Variants in APBA2 observed in about 807,000 individuals in gnomAD.
APBA2 encodes amyloid beta precursor protein binding family A member 2.
In APBA2, 30 loss-of-function variants were observed where a neutral mutation model predicts 75.0. The observed-to-expected ratio is 0.40, with a 90% CI of 0.30 to 0.54. The LOEUF (loss-of-function observed/expected upper bound fraction) is 0.54, where lower values mean the gene tolerates loss of function less well. Ranked by LOEUF, APBA2 falls within the 20% of genes least tolerant of loss-of-function variation. The pLI, the probability that APBA2 is intolerant of heterozygous loss-of-function variation, is 0.49. For missense variants in APBA2, 801 were observed against 1,016.1 expected (o/e 0.79, Z 2.88); for synonymous variants, 444 against 409.6 (o/e 1.08, Z -1.01).
intron 4 of APBA2, among the ~76,000 whole-genome samples, chr15:29,065,017 G>T (rs567321293): frequency 6.6e-6 from 1 of 152,232 alleles, no homozygotes; most frequent in African/African-American, 2.4e-5. Context: ...GTGTGTGTGT[G>T]TGTGTGTGTG....
Position 29,054,503 on chromosome 15 carries a change from G to A in APBA2, c.619G>A (p.Ala207Thr), listed in dbSNP as rs767649646. ...YPEEANGNTGASPYRLRRGDG... is the reference protein window; with the variant it reads ...YPEEANGNTGTSPYRLRRGDG... ...CGAGGAGGCCAACGGGAACACCGGC[G>A]CCTCCCCCTACCGCCTGAGGCGTGG... is the stretch of plus-strand genomic sequence containing the variant. Residue 207 changes from alanine (A) to threonine (T), a missense_variant, in exon 4 of 15, where the codon GCC (alanine) becomes ACC (threonine). By Grantham distance (58) the Ala-to-Thr change is moderately conservative. This residue lies in a region of APBA2 where 434 missense variants were observed against 471.6 expected (regional missense o/e 0.92). Transcript: ENST00000683413. This position sits in a 1 kb window ranked among gnomAD's most constrained non-coding sequence, Gnocchi z 6.1. 1.4e-5 allele frequency: 23 copies of A among 1,613,532 alleles called. No homozygotes were observed. The highest frequency in any genetic ancestry group is 1.6e-4 in the Middle Eastern group (1 of 6,082).
chr15:29,034,813 G>A (rs2040663996), intron 3 of APBA2, among the ~76,000 whole-genome samples: 1 of 152,174 alleles, frequency 6.6e-6, no homozygotes, highest in African/African-American at 2.4e-5. Flanking sequence ...CTGGGGGAGG[G>A]CCCAAGAGTT....
intron 3 of APBA2, among the ~76,000 whole-genome samples, chr15:29,031,935 A>T (rs2040508589): frequency 6.6e-6 from 1 of 152,244 alleles, no homozygotes; most frequent in Admixed American, 6.5e-5. Context: ...CATGCACAGG[A>T]TGCTGTCTTG....
intron 2 of APBA2, among the ~76,000 whole-genome samples, chr15:28,983,498 C>T (rs376551766): frequency 5.3e-5 from 8 of 152,144 alleles, no homozygotes; most frequent in African/African-American, 1.9e-4. Context: ...AGAGTCTCTC[C>T]CAGCATACGG....
Position 29,104,541 on chromosome 15 carries a change from C to T in APBA2, c.1525-838C>T, listed in dbSNP as rs577731614. On this transcript the variant is annotated intron_variant, in intron 10 of 14. Coordinates refer to ENST00000683413, the MANE Select transcript of APBA2 (RefSeq NM_001353788.2). Reference sequence around the variant, plus strand: ...TCAGAGTCGGTGATGTCCACTGAAGCAGCTCAGCGGAAGTAGAAAGAAGTG... The same window carrying T: ...TCAGAGTCGGTGATGTCCACTGAAGTAGCTCAGCGGAAGTAGAAAGAAGTG... 2.6e-5 allele frequency among the ~76,000 whole-genome samples: 4 copies of T among 152,366 alleles called. No individual in the cohort carries two copies. In the South Asian group the frequency reaches 8.3e-4, roughly 32 times the overall value.
chr15:28,979,969 G>T (rs956251949), intron 2 of APBA2, among the ~76,000 whole-genome samples: 1 of 152,220 alleles, frequency 6.6e-6, no homozygotes, highest in African/African-American at 2.4e-5. Flanking sequence ...CTAGTTAAAA[G>T]AAAATTTATT....
At chr15:28,980,477 T>C (rs936067564) in intron 2 of APBA2, among the ~76,000 whole-genome samples, 15 of 152,064 alleles carry the variant, frequency 9.9e-5, no homozygotes. Context: ...ACAATCCCAT[T>C]TACAATCGCC....
chr15:29,020,056 C>A (rs2039872236), intron 3 of APBA2, among the ~76,000 whole-genome samples: 2 of 152,210 alleles, frequency 1.3e-5, no homozygotes, highest in Non-Finnish European at 1.5e-5. Flanking sequence ...TGTTTACTGG[C>A]ACATGTATTT....
intron 2 of APBA2, among the ~76,000 whole-genome samples, chr15:28,945,947 C>T (rs2035526575): frequency 6.6e-6 from 1 of 152,206 alleles, no homozygotes; most frequent in Non-Finnish European, 1.5e-5. Context: ...GGTTCCGCCT[C>T]ATAAGGCTGT....
At chr15:29,013,791 G>T (rs2039522965) in intron 3 of APBA2, among the ~76,000 whole-genome samples, 1 of 152,156 alleles carries the variant, frequency 6.6e-6, no homozygotes, top group Admixed American at 6.5e-5. Context: ...GTAATTACTG[G>T]TGCAGATTTC....
At chr15:29,107,011 A>G (rs2152972658) in intron 12 of APBA2, among the ~76,000 whole-genome samples, 192 bp downstream of exon 12, 1 of 152,222 alleles carries the variant, frequency 6.6e-6, no homozygotes, top group South Asian at 2.1e-4. Context: ...CCATGTCTGA[A>G]TCAGAGGTGG....
chr15:29,048,180 C>G (rs2041432841), intron 3 of APBA2, among the ~76,000 whole-genome samples: 1 of 152,068 alleles, frequency 6.6e-6, no homozygotes. Flanking sequence ...AACTTCATCT[C>G]TACAAAAAAT....
chr15:28,989,202 C>G (rs939939708), intron 2 of APBA2, among the ~76,000 whole-genome samples: 2 of 151,546 alleles, frequency 1.3e-5, no homozygotes, highest in Admixed American at 1.3e-4. Flanking sequence ...TATCTTTTTT[C>G]TTTTCTTCCT....
chr15:29,039,865 C>G (rs1038383441), intron 3 of APBA2, among the ~76,000 whole-genome samples: 1 of 152,168 alleles, frequency 6.6e-6, no homozygotes, highest in African/African-American at 2.4e-5. Context: ...GATTAGAACT[C>G]AAAACTCTGA....
At chr15:28,935,142 A>G (rs2034785860) in intron 2 of APBA2, among the ~76,000 whole-genome samples, 1 of 152,138 alleles carries the variant, frequency 6.6e-6, no homozygotes, top group South Asian at 2.1e-4. Context: ...CTCCAACACT[A>G]GGTTTCTTTG....
At chr15:29,042,895 G>GT (rs2041122959) in intron 3 of APBA2, among the ~76,000 whole-genome samples, 1 of 152,102 alleles carries the variant, frequency 6.6e-6, no homozygotes, top group South Asian at 2.1e-4. Context: ...TCTCCAGCAT[G>GT]TTAAGAAAAA....
rs1384593218 is a variant in APBA2, at chr15:28,915,818, C to G, written c.-204-5822C>G. 3.3e-5 allele frequency among the ~76,000 whole-genome samples: 5 copies of G among 150,402 alleles called. No individual in the cohort carries two copies. In the South Asian group the frequency reaches 1.1e-3, roughly 32 times the overall value. ...ACACAACACATTCACATCACACACA[C>G]CACATACCACACACCATACATAGCA... On this transcript the variant is annotated intron_variant, in intron 1 of 14. Coordinates refer to ENST00000683413, the MANE Select transcript of APBA2 (RefSeq NM_001353788.2).
intron 6 of APBA2, among the ~76,000 whole-genome samples, chr15:29,092,166 C>T (rs144634133): frequency 1.4e-3 from 212 of 152,286 alleles, no homozygotes; most frequent in African/African-American, 4.8e-3. Context: ...GCTACCTTTA[C>T]GCCTCAGGTA....
intron 8 of APBA2, among the ~76,000 whole-genome samples, chr15:29,097,495 G>A (rs1008509969): frequency 6.6e-6 from 1 of 152,222 alleles, no homozygotes; most frequent in African/African-American, 2.4e-5. Context: ...TGGACTCTGG[G>A]TAATTGTTAA....
Sources: gnomAD v4.1 joint callset for allele counts (sites outside exome capture counted in the v4.1 genomes callset) on GRCh38, gnomAD v4.1.1 for gene constraint, gnomAD v4.1.1 regional missense constraint, Gnocchi (gnomAD v3.1) non-coding constraint, MANE v1.5 for transcripts, NCBI Gene and HGNC (gene_info 2026-07-23, HGNC 2026-07-21) for gene names.